The following HSD17B2 variants were observed in gnomAD, a reference collection of about 807,000 sequenced individuals.
HSD17B2 encodes the protein hydroxysteroid 17-beta dehydrogenase 2.
A neutral mutation model predicts 26.9 loss-of-function variants in HSD17B2; 32 were observed. The ratio of observed to expected loss-of-function variants is 1.19; its 90% CI spans 0.90 to 1.60. HSD17B2 has a LOEUF of 1.60. HSD17B2 is among the 40% of genes most tolerant of loss of function. HSD17B2 has a pLI of 0.00. For missense variants in HSD17B2, 613 were observed against 468.6 expected, an observed-to-expected ratio of 1.31 and a Z score of -2.85; for synonymous variants, 246 against 186.7, an observed-to-expected ratio of 1.32 and a Z score of -2.59.
intron 1 of HSD17B2, among the ~76,000 whole-genome samples, chr16:82,066,551 T>A (rs1250517381): frequency 1.3e-5 from 2 of 152,230 alleles, no homozygotes; most frequent in Non-Finnish European, 2.9e-5. Context: ...TACTTTTTTG[T>A]AGCAAAAATG....
intron 3 of HSD17B2, among the ~76,000 whole-genome samples, chr16:82,080,351 A>T (rs1225751190): frequency 6.6e-6 from 1 of 152,188 alleles, no homozygotes; most frequent in African/African-American, 2.4e-5. Flanking sequence ...ATTCTGGATG[A>T]ATCTGATGCA....
chr16:82,091,434 G>C (rs1446135673), intron 4 of HSD17B2: 1 of 250,928 alleles, frequency 4.0e-6, no homozygotes, highest in South Asian at 5.2e-5. Flanking sequence ...TCTGATCCTT[G>C]ATGATTCAGT....
intron 3 of HSD17B2, among the ~76,000 whole-genome samples, chr16:82,085,188 C>A (rs2142362388): frequency 6.6e-6 from 1 of 152,252 alleles, no homozygotes; most frequent in East Asian, 1.9e-4. Context: ...CTTGCTGAGC[C>A]AGCTGCCTTA....
At position 82,037,004 on chromosome 16, in the gene HSD17B2, C is replaced by A. The variant is rs530197023; in HGVS notation, c.265+1315C>A. On this transcript the variant is annotated intron_variant, in intron 1 of 4. Transcript: ENST00000199936. ...ATCCCTTCTTGCTTGTTTATTTTGT[C>A]AACATTCTTTATCCTCTGCATTTCA... 4.6e-5 allele frequency among the ~76,000 whole-genome samples: 7 copies of A among 152,268 alleles called. No homozygotes were observed. In the South Asian group the frequency reaches 1.5e-3, roughly 32 times the overall value.
intron 3 of HSD17B2, among the ~76,000 whole-genome samples, chr16:82,072,628 T>C (rs901512957): frequency 2.0e-5 from 3 of 152,220 alleles, no homozygotes; most frequent in Non-Finnish European, 4.4e-5. Flanking sequence ...ACTTTAGTTA[T>C]TGCCAAAATG....
At position 82,046,432 on chromosome 16, in the gene HSD17B2, A is replaced by T. The variant is rs181035882; in HGVS notation, c.265+10743A>T. Among the ~76,000 whole-genome samples, 33 of 152,316 alleles carry T rather than the reference A, an allele frequency of 2.2e-4. 1 individual carries two copies. The highest frequency in any genetic ancestry group is 2.1e-3 in the Admixed American group (32 of 15,302). ...AACGCCTTATAAGATAATTTAAAAA[A>T]ATATTATGGGCCAGGCACGGTGGCT... On this transcript the variant is annotated intron_variant, in intron 1 of 4. Transcript: ENST00000199936.
At chr16:82,043,660 G>C (rs1216178600) in intron 1 of HSD17B2, among the ~76,000 whole-genome samples, 1 of 138,696 alleles carries the variant, frequency 7.2e-6, no homozygotes, top group African/African-American at 2.9e-5. Context: ...CTGTCTGCCT[G>C]GGCGACAAGG....
At chr16:82,088,048 C>G (rs563176524) in intron 3 of HSD17B2, among the ~76,000 whole-genome samples, 1 of 152,298 alleles carries the variant, frequency 6.6e-6, no homozygotes, top group African/African-American at 2.4e-5. Flanking sequence ...TAAGGCAGTG[C>G]ATTATCACAA....
chr16:82,085,914 A>T (rs1357611740), intron 3 of HSD17B2, among the ~76,000 whole-genome samples: 1 of 151,956 alleles, frequency 6.6e-6, no homozygotes, highest in Non-Finnish European at 1.5e-5. Flanking sequence ...GTAATGAAAA[A>T]CCACCATAAT....
chr16:82,053,207 C>A (rs1914161161), intron 1 of HSD17B2, among the ~76,000 whole-genome samples: 1 of 152,074 alleles, frequency 6.6e-6, no homozygotes, highest in South Asian at 2.1e-4. Flanking sequence ...ATGGCAAATG[C>A]AGAAGTCAAC....
At chr16:82,036,460 ATTATCCAGCG>A (rs1947185411) in intron 1 of HSD17B2, among the ~76,000 whole-genome samples, 1 of 151,620 alleles carries the variant, frequency 6.6e-6, no homozygotes, top group Non-Finnish European at 1.5e-5. Flanking sequence ...TGTAATTAGG[ATTATCCAGCG>A]TTATCCTAAC....
chr16:82,081,475 G>C (rs1188114546), intron 3 of HSD17B2, among the ~76,000 whole-genome samples: 1 of 152,098 alleles, frequency 6.6e-6, no homozygotes, highest in Non-Finnish European at 1.5e-5. Flanking sequence ...CAGCCAGGAG[G>C]GTGGGGCTCT....
At chr16:82,058,911 G>A (rs1400843978) in intron 1 of HSD17B2, among the ~76,000 whole-genome samples, 1 of 152,118 alleles carries the variant, frequency 6.6e-6, no homozygotes, top group Non-Finnish European at 1.5e-5. Context: ...GAAGGTGATG[G>A]GTTGTGCCTG....
At chr16:82,071,971 T>C (rs1348687985) in intron 3 of HSD17B2, 7 of 152,276 alleles carry the variant, frequency 4.6e-5, no homozygotes, top group African/African-American at 1.7e-4. Context: ...ATAAAGGGTA[T>C]GACTATGCTG....
chr16:82,097,250 A>G (rs1904869351), intron 4 of HSD17B2: 7 of 121,390 alleles, frequency 5.8e-5, no homozygotes. Flanking sequence ...GTCTATGTCT[A>G]TGTCTATGTC....
intron 1 of HSD17B2, among the ~76,000 whole-genome samples, chr16:82,060,621 C>G (rs957661223): frequency 1.3e-5 from 2 of 152,210 alleles, no homozygotes; most frequent in Non-Finnish European, 2.9e-5. Context: ...AGATCACATC[C>G]TTTTACTGAT....
At chr16:82,063,961 C>G (rs74029371) in intron 1 of HSD17B2, among the ~76,000 whole-genome samples, 3,514 of 152,254 alleles carry the variant, frequency 0.023, 129 homozygotes, top group African/African-American at 0.078. Context: ...CATAGGTAAA[C>G]AAGTGGGGGC....
chr16:82,044,547 G>T (rs1490671699), intron 1 of HSD17B2: 1 of 152,208 alleles, frequency 6.6e-6, no homozygotes, highest in Non-Finnish European at 1.5e-5. Context: ...CTGGCCTCTT[G>T]GATTTTCTCC....
chr16:82,092,430 A>G (rs142798920), intron 4 of HSD17B2: 3 of 152,348 alleles, frequency 2.0e-5, no homozygotes, highest in African/African-American at 7.2e-5. Context: ...TGTCTAATAA[A>G]AGACCACAGA....
Sources: gnomAD v4.1 joint callset for allele counts (sites outside exome capture counted in the v4.1 genomes callset) on GRCh38, gnomAD v4.1.1 for gene constraint, MANE v1.5 for transcripts, NCBI Gene and HGNC (gene_info 2026-07-23, HGNC 2026-07-21) for gene names.